TTC28: variants seen among roughly 807,000 people sequenced by gnomAD.
TTC28 encodes the protein tetratricopeptide repeat domain 28.
A neutral mutation model predicts 198.0 loss-of-function variants in TTC28; 61 were observed. The ratio of observed to expected loss-of-function variants is 0.31; its 90% CI spans 0.25 to 0.38. The LOEUF (loss-of-function observed/expected upper bound fraction) is 0.38, where lower values mean the gene tolerates loss of function less well. Among genes scored for constraint, TTC28 ranks in the 10% least tolerant of loss-of-function variants. The pLI, the probability that TTC28 is intolerant of heterozygous loss-of-function variation, is 1.00. For synonymous variants in TTC28, 1,171 were observed against 1,297.8 expected, an observed-to-expected ratio of 0.90 and a Z score of 2.10; for missense variants, 2,678 against 3,164.0, an observed-to-expected ratio of 0.85 and a Z score of 3.69.
intron 2 of TTC28, among the ~76,000 whole-genome samples, chr22:28,540,807 T>C (rs1389379103): frequency 6.6e-6 from 1 of 152,156 alleles, no homozygotes; most frequent in Non-Finnish European, 1.5e-5. Flanking sequence ...GCTTCCTTCA[T>C]TCTACAGGGG....
chr22:28,325,715 A>T (rs945324023), intron 2 of TTC28, among the ~76,000 whole-genome samples: 6 of 152,204 alleles, frequency 3.9e-5, no homozygotes, highest in Admixed American at 3.9e-4. Flanking sequence ...GAGGATATTC[A>T]GATAGCAAAT....
At chr22:28,201,037 C>T (rs1412514270) in intron 5 of TTC28, among the ~76,000 whole-genome samples, 1 of 152,140 alleles carries the variant, frequency 6.6e-6, no homozygotes, top group Non-Finnish European at 1.5e-5. Flanking sequence ...AGTTTATGTC[C>T]ATTGGCTCAC....
intron 6 of TTC28, among the ~76,000 whole-genome samples, chr22:28,157,476 G>C (rs1943774834): frequency 6.6e-6 from 1 of 151,902 alleles, no homozygotes; most frequent in South Asian, 2.1e-4. Context: ...GAAAACCAAA[G>C]ACACATCAAA....
At chr22:28,076,079 T>C (rs935750339) in intron 12 of TTC28, among the ~76,000 whole-genome samples, 2 of 152,230 alleles carry the variant, frequency 1.3e-5, no homozygotes, top group African/African-American at 4.8e-5. Flanking sequence ...AGGAATAAAA[T>C]AAGTGCCAAA....
chr22:28,401,782 T>G (rs1292538288), intron 2 of TTC28, among the ~76,000 whole-genome samples: 2 of 152,030 alleles, frequency 1.3e-5, no homozygotes, highest in Non-Finnish European at 2.9e-5. Context: ...CAAAAAAAAT[T>G]TTTAAATAGA....
At chr22:28,138,618 G>A (rs1225506090) in intron 6 of TTC28, among the ~76,000 whole-genome samples, 1 of 152,146 alleles carries the variant, frequency 6.6e-6, no homozygotes, top group Non-Finnish European at 1.5e-5. Flanking sequence ...ATACTGATTT[G>A]GTCAGTACAG....
chr22:27,996,597 C>T (rs899370204), intron 16 of TTC28, among the ~76,000 whole-genome samples: 1 of 152,098 alleles, frequency 6.6e-6, no homozygotes, highest in Non-Finnish European at 1.5e-5. Context: ...GGGGGGAACA[C>T]GTCAGGGGAG....
At chr22:28,417,054 A>T (rs2047176755) in intron 2 of TTC28, among the ~76,000 whole-genome samples, 1 of 152,082 alleles carries the variant, frequency 6.6e-6, no homozygotes, top group East Asian at 1.9e-4. Flanking sequence ...GCACAATTCC[A>T]ATGAGAAGTA....
intron 14 of TTC28, chr22:28,002,121 A>G (rs1937723739): frequency 6.4e-6 from 1 of 156,852 alleles, no homozygotes; most frequent in South Asian, 1.9e-4. Flanking sequence ...CAATGCATGG[A>G]TGACTCCCAT....
At chr22:28,217,027 T>C (rs1223158325) in intron 5 of TTC28, among the ~76,000 whole-genome samples, 1 of 152,098 alleles carries the variant, frequency 6.6e-6, no homozygotes, top group East Asian at 1.9e-4. Flanking sequence ...TTATTTTCAA[T>C]AATAAACATT....
In TTC28 at chr22:28,023,334, G is replaced by A. The variant is rs1938688418; in HGVS notation, c.4073+6892C>T. 2.0e-5 allele frequency among the ~76,000 whole-genome samples: 3 copies of A among 152,242 alleles called. No homozygotes were observed. The South Asian group carries it at 6.2e-4, about 32-fold the overall frequency. On this transcript the variant is annotated intron_variant, in intron 13 of 22. Coordinates refer to ENST00000397906, the MANE Select transcript of TTC28 (RefSeq NM_001145418.2). ...ATGAGGCTCTAGGGCCAAGCCTGGA[G>A]ATGCTCACCTTAAAAGAACCTGATG...
chr22:28,076,439 A>G (rs1601592273), intron 12 of TTC28, among the ~76,000 whole-genome samples: 1 of 151,862 alleles, frequency 6.6e-6, no homozygotes, highest in East Asian at 1.9e-4. Flanking sequence ...TTGCTTAAAA[A>G]CCCCTGCTTT....
At chr22:28,324,143 C>T (rs1243095607) in intron 2 of TTC28, among the ~76,000 whole-genome samples, 2 of 152,044 alleles carry the variant, frequency 1.3e-5, no homozygotes, top group Non-Finnish European at 2.9e-5. Flanking sequence ...AAGAAAAGGA[C>T]ATTGATGAGC....
intron 10 of TTC28, among the ~76,000 whole-genome samples, chr22:28,098,269 C>T (rs569390348): frequency 1.3e-5 from 2 of 152,328 alleles, no homozygotes; most frequent in Admixed American, 1.3e-4. Context: ...AGGAAATAGA[C>T]AAGAGGCCAG....
intron 2 of TTC28, among the ~76,000 whole-genome samples, chr22:28,495,517 A>G (rs897211165): frequency 5.3e-5 from 8 of 152,210 alleles, no homozygotes; most frequent in African/African-American, 1.9e-4. Flanking sequence ...ATTCTCAGAC[A>G]TACAAGGTTT....
rs1159796958 is a variant in TTC28, at chr22:28,678,272, T to A, written c.102+1350A>T. Among the ~76,000 whole-genome samples the A allele has an allele frequency of 2.6e-5, 4 of 152,242 alleles. No homozygotes were observed. The South Asian group carries it at 6.2e-4, about 24-fold the overall frequency. On this transcript the variant is annotated intron_variant, in intron 1 of 22. Transcript: ENST00000397906. ...TTGTGTTATCCAGGCTGGAATGCAG[T>A]GGCACAACCTTGGCTCACTGCAACT...
chr22:28,589,821 C>T (rs1296194154), intron 2 of TTC28, among the ~76,000 whole-genome samples: 1 of 151,654 alleles, frequency 6.6e-6, no homozygotes, highest in East Asian at 2.0e-4. Flanking sequence ...GGGTAGATCA[C>T]GAGGTCAGGA....
At chr22:28,289,851 C>A (rs917994991) in intron 5 of TTC28, among the ~76,000 whole-genome samples, 1 of 152,022 alleles carries the variant, frequency 6.6e-6, no homozygotes, top group African/African-American at 2.4e-5. Context: ...CATGGTGAAA[C>A]CCCATCTCTA....
In TTC28 at chr22:27,993,404, C is replaced by A. The variant is rs557556022; in HGVS notation, c.5359G>T (p.Ala1787Ser). Residue 1787 changes from alanine (A) to serine (S), a missense_variant, in exon 18 of 23, where the codon GCT becomes TCT. Physicochemically the swap from Ala to Ser is moderately conservative, Grantham distance 99. Transcript: ENST00000397906. ...GGGGGGTCCAGCCGGAAGCCCACAG[C>A]GGTGAGGAGGGCCTGCCAGCCAGGG... ...GIPGWQALLT[A>S]VGFRLDPPTS... 3 of 1,551,346 alleles carry A rather than the reference C, an allele frequency of 1.9e-6. No individual in the cohort carries two copies. The highest frequency in any genetic ancestry group is 2.6e-6 in the Non-Finnish European group (3 of 1,146,998).
Sources: gnomAD v4.1 joint callset for allele counts (sites outside exome capture counted in the v4.1 genomes callset) on GRCh38, gnomAD v4.1.1 for gene constraint, MANE v1.5 for transcripts, NCBI Gene and HGNC (gene_info 2026-07-23, HGNC 2026-07-21) for gene names.